SLBP: variants seen among roughly 807,000 people sequenced by gnomAD.
SLBP encodes histone RNA hairpin-binding protein.
SLBP carries 29 observed loss-of-function variants against 39.2 expected under a neutral mutation model. That is an observed-to-expected ratio of 0.74 (90% CI 0.55 to 1.01). The LOEUF is 1.01. Among genes scored for constraint, SLBP ranks in the 50% least tolerant of loss-of-function variants. The pLI, the probability that SLBP is intolerant of heterozygous loss-of-function variation, is 0.00. For synonymous variants in SLBP, 129 were observed against 118.7 expected, an observed-to-expected ratio of 1.09 and a Z score of -0.57; for missense variants, 390 against 350.2, an observed-to-expected ratio of 1.11 and a Z score of -0.91.
rs553125061 is a variant in SLBP at position 1,710,605 on chromosome 4, C to T, written c.176+1269G>A. On this transcript the variant is annotated intron_variant, in intron 2 of 7. Coordinates refer to ENST00000489418, the MANE Select transcript of SLBP (RefSeq NM_006527.4). ...GAAAAGTAGGTTGAAGGAGAAAGAT[C>T]TACATGTTCCAAGAGAAAAGGAGCA... 1.2e-4 allele frequency among the ~76,000 whole-genome samples: 18 copies of T among 152,322 alleles called. 1 individual carries two copies. The South Asian group carries it at 3.5e-3, about 30-fold the overall frequency.
chr4:1,699,785 CAAT>C (rs1716256826), intron 4 of SLBP, 84 bp from the exon 5 acceptor site: 3 of 1,314,036 alleles, frequency 2.3e-6, no homozygotes, highest in African/African-American at 1.5e-5. Context: ...TGTCAAAACA[CAAT>C]AATGGAAGAT....
chr4:1,709,931 A>G (rs116588020), intron 2 of SLBP, among the ~76,000 whole-genome samples: 4,024 of 151,560 alleles, frequency 0.027, 214 homozygotes, highest in African/African-American at 0.09. Flanking sequence ...GATTGTACTC[A>G]ATAAATAGTG....
chr4:1,696,351 T>C lies in SLBP; in HGVS notation c.480A>G (p.Arg160=). 1 of 1,566,732 alleles carries C rather than the reference T, an allele frequency of 6.4e-7. No homozygotes were observed. The highest frequency in any genetic ancestry group is 1.9e-5 in the Admixed American group (1 of 51,898). Reference sequence around the variant, plus strand: ...GATGAATGCCAGGTTGTCGAAGGTGTCTACAGGAGAAAGATTATTCTAGCA... The same window carrying C: ...GATGAATGCCAGGTTGTCGAAGGTGCCTACAGGAGAAAGATTATTCTAGCA... ...AYDRYIKEVP[R]HLRQPGIHPK... The change falls in exon 6 of 8, where the codon AGA becomes AGG. Residue 160 remains arginine, a splice_region_variant and synonymous_variant. Coordinates refer to ENST00000489418, the MANE Select transcript of SLBP (RefSeq NM_006527.4).
At chr4:1,695,563 G>A (rs1716074846) in intron 6 of SLBP, among the ~76,000 whole-genome samples, 1 of 152,202 alleles carries the variant, frequency 6.6e-6, no homozygotes, top group African/African-American at 2.4e-5. Context: ...ACTTTGGGAG[G>A]CTGAGGCGGG....
In SLBP at chr4:1,694,927, G is replaced by A. The variant is rs575377625; in HGVS notation, c.630-87C>T. On this transcript the variant is annotated intron_variant, in intron 6 of 7. Coordinates refer to ENST00000489418, the MANE Select transcript of SLBP (RefSeq NM_006527.4). Reference sequence around the variant, plus strand: ...GCTACAGACAAACCCCATCCATATGGTACAGCCACAACACTGACAGTGTGC... The same window carrying A: ...GCTACAGACAAACCCCATCCATATGATACAGCCACAACACTGACAGTGTGC... 19 of 885,114 alleles carry A rather than the reference G, an allele frequency of 2.1e-5. No individual in the cohort carries two copies. In the African/African-American group the frequency reaches 2.6e-4, roughly 12 times the overall value. 54.8% of individuals were successfully genotyped at this position (885,114 alleles called of 1,614,324 possible).
At chr4:1,694,740 C>T (rs1047801712) in intron 7 of SLBP, 34 bp downstream of exon 7, 1 of 1,496,864 alleles carries the variant, frequency 6.7e-7, no homozygotes, top group Non-Finnish European at 9.3e-7. Flanking sequence ...TCACCTGCAA[C>T]CCCCAAGCTG....
At chr4:1,694,086 GTTTTC>G (rs1487483917) in intron 7 of SLBP, among the ~76,000 whole-genome samples, 7 of 152,184 alleles carry the variant, frequency 4.6e-5, no homozygotes, top group Admixed American at 6.5e-5. Context: ...TTTAAAAACG[GTTTTC>G]TTTTCTCTTG....
rs562836775 is a variant in SLBP, at chr4:1,712,297, C to A, written c.-109G>T. On this transcript the variant is annotated 5_prime_UTR_variant, in exon 1 of 8. Coordinates refer to ENST00000489418, the MANE Select transcript of SLBP (RefSeq NM_006527.4). The stretch of plus-strand genomic sequence containing the variant: ...GGGCCTGAGGCAGAAACCCGCGTCC[C>A]CGCGCCGGCGCTCACGAGCTCTGCG... 2 of 655,860 alleles carry A rather than the reference C, an allele frequency of 3.0e-6. No individual in the cohort carries two copies. The highest frequency in any genetic ancestry group is 1.9e-5 in the African/African-American group (1 of 51,296). The allele number at this position is 655,860 out of a possible 1,614,324, so 40.6% of individuals were successfully genotyped here.
intron 2 of SLBP, among the ~76,000 whole-genome samples, chr4:1,708,558 G>C (rs1716610871): frequency 6.6e-6 from 1 of 152,178 alleles, no homozygotes; most frequent in Non-Finnish European, 1.5e-5. Flanking sequence ...TGTATCAAGA[G>C]GTTCAAGTCT....
intron 2 of SLBP, among the ~76,000 whole-genome samples, chr4:1,710,959 G>A (rs1335978473): frequency 6.6e-6 from 1 of 150,686 alleles, no homozygotes; most frequent in Non-Finnish European, 1.5e-5. Context: ...GCTGAGGCAG[G>A]AGAATCACTT....
At chr4:1,697,902 G>A (rs189501144) in intron 5 of SLBP, among the ~76,000 whole-genome samples, 12 of 152,288 alleles carry the variant, frequency 7.9e-5, no homozygotes, top group Non-Finnish European at 1.3e-4. Flanking sequence ...ACTTTGGGAG[G>A]ACTACTTGAG....
rs1170200829 is a variant in SLBP at position 1,694,781 on chromosome 4, T to A, written c.689A>T (p.Asp230Val). The change falls in exon 7 of 8, where the codon GAT becomes GTT. Residue 230 changes from aspartate (D) to valine (V), a missense_variant. Physicochemically the swap from Asp to Val is radical, Grantham distance 152. Coordinates refer to ENST00000489418, the MANE Select transcript of SLBP (RefSeq NM_006527.4). ...CTTATCCAAAGTACTTACAAAGTCA[T>A]CCTGAGAGCTGGTCTGGGGCTCGGA... is the stretch of plus-strand genomic sequence containing the variant. ...SSSEPQTSSQ[D>V]DFDVYSGTPT... is the part of the protein sequence containing the mutation. 3 of 1,612,024 alleles carry A rather than the reference T, an allele frequency of 1.9e-6. No individual in the cohort carries two copies. Among genetic ancestry groups the A allele is most frequent in the East Asian group, 2.2e-5 (1 of 44,868 alleles).
intron 2 of SLBP, among the ~76,000 whole-genome samples, chr4:1,707,973 G>C (rs904168136): frequency 2.6e-5 from 4 of 152,028 alleles, no homozygotes; most frequent in African/African-American, 9.7e-5. Context: ...CAGCTACTCA[G>C]GAGGCTGAGG....
At chr4:1,709,706 G>T (rs1425789261) in intron 2 of SLBP, among the ~76,000 whole-genome samples, 1 of 151,846 alleles carries the variant, frequency 6.6e-6, no homozygotes, top group Non-Finnish European at 1.5e-5. Context: ...CCGCCTCCCG[G>T]GTTCACACCA....
intron 2 of SLBP, among the ~76,000 whole-genome samples, chr4:1,711,538 C>T (rs537042941): frequency 1.3e-3 from 195 of 152,318 alleles, no homozygotes; most frequent in Non-Finnish European, 2.3e-3. Context: ...ACTCACTTCT[C>T]CTCGGGACTC....
chr4:1,695,470 G>A (rs762942048), intron 6 of SLBP, among the ~76,000 whole-genome samples: 1 of 152,150 alleles, frequency 6.6e-6, no homozygotes, highest in Admixed American at 6.6e-5. Flanking sequence ...TGCAGCAAAA[G>A]TTCAGGCCTG....
chr4:1,708,241 C>T (rs1046000445), intron 2 of SLBP, among the ~76,000 whole-genome samples: 1 of 152,062 alleles, frequency 6.6e-6, no homozygotes, highest in Non-Finnish European at 1.5e-5. Context: ...GACAGTTATG[C>T]CCCGTCACAA....
chr4:1,697,190 C>T (rs894940261), intron 5 of SLBP, among the ~76,000 whole-genome samples: 11 of 136,930 alleles, frequency 8.0e-5, no homozygotes, highest in African/African-American at 2.2e-4. Flanking sequence ...AAAAAAAAGC[C>T]GGGCACAGTG....
chr4:1,705,632 C>A (rs575079819), intron 2 of SLBP, among the ~76,000 whole-genome samples: 1 of 152,132 alleles, frequency 6.6e-6, no homozygotes, highest in Non-Finnish European at 1.5e-5. Context: ...GGGTACAGTA[C>A]TGAGGGATGA....
Sources: allele counts gnomAD v4.1 joint callset (sites outside exome capture counted in the v4.1 genomes callset), GRCh38; gene constraint gnomAD v4.1.1; transcripts MANE v1.5; gene names NCBI Gene and HGNC (gene_info 2026-07-23, HGNC 2026-07-21).